MACF1: variants seen among roughly 807,000 people sequenced by gnomAD.
MACF1 encodes the protein microtubule actin crosslinking factor 1, also known as microtubule-actin cross-linking factor 1.
A neutral mutation model predicts 854.8 loss-of-function variants in MACF1; 193 were observed. The ratio of observed to expected loss-of-function variants is 0.23; its 90% CI spans 0.20 to 0.25. MACF1 has a LOEUF of 0.25. MACF1 is among the 10% of genes least tolerant of loss of function. MACF1 has a pLI of 1.00. For missense variants in MACF1, 7,722 were observed against 8,929.1 expected, an observed-to-expected ratio of 0.86 and a Z score of 5.45; for synonymous variants, 3,185 against 3,226.7, an observed-to-expected ratio of 0.99 and a Z score of 0.44.
chr1:39,414,693 C>A, intron 58 of MACF1: 1 of 687,614 alleles, frequency 1.5e-6, no homozygotes, highest in Non-Finnish European at 2.4e-6. Context: ...GTTTTTTATT[C>A]AGATAAGCCA....
At chr1:39,393,005 A>C (rs973113827) in intron 58 of MACF1, among the ~76,000 whole-genome samples, 16 of 151,952 alleles carry the variant, frequency 1.1e-4, no homozygotes, top group Non-Finnish European at 8.8e-5. Context: ...GAAAGCTGGA[A>C]AGAAAAGACT....
chr1:39,295,065 A>G lies in MACF1; in HGVS notation c.2174A>G (p.Glu725Gly), dbSNP rs762539450. The G allele has an allele frequency of 2.5e-6, 4 of 1,613,694 alleles. No individual in the cohort carries two copies. The African/African-American group carries it at 5.3e-5, about 22-fold the overall frequency. The change falls in exon 19 of 101, where the codon GAG (glutamate) becomes GGG (glycine). Residue 725 changes from glutamate to glycine, a missense_variant. Glu to Gly is a moderately conservative substitution (Grantham distance 98, BLOSUM62 -2). Coordinates refer to ENST00000564288, the MANE Select transcript of MACF1 (RefSeq NM_001394062.1). Reference sequence around the variant, plus strand: ...TTTCAGGAGTTGACAATGGAACTGGAGGAGAAACAGGATGTGTTTCGTTCT... The same window carrying G: ...TTTCAGGAGTTGACAATGGAACTGGGGGAGAAACAGGATGTGTTTCGTTCT... ...NYFSELTMEL[E>G]EKQDVFRSLQ...
At chr1:39,481,424 T>G (rs1177684522) in intron 99 of MACF1, among the ~76,000 whole-genome samples, 1 of 152,182 alleles carries the variant, frequency 6.6e-6, no homozygotes, top group Non-Finnish European at 1.5e-5. Context: ...CAATGTTCTG[T>G]CTTTGCTTAG....
At chr1:39,270,070 A>G (rs1257703137) in intron 6 of MACF1, among the ~76,000 whole-genome samples, 1 of 152,224 alleles carries the variant, frequency 6.6e-6, no homozygotes, top group African/African-American at 2.4e-5. Context: ...ATGTAGCACA[A>G]GAGACGATGG....
rs531892685 is a variant in MACF1, at chr1:39,130,109, C to T, written c.220+45671C>T. Among the ~76,000 whole-genome samples the T allele has an allele frequency of 4.6e-5, 7 of 152,066 alleles. No individual in the cohort carries two copies. In the East Asian group the frequency reaches 5.8e-4, roughly 13 times the overall value. ...GACTCAAAGTCTTGTGTTGAAATGT[C>T]GGTACCTGCCCCCGAAGGGGAAAAG... On this transcript the variant is annotated intron_variant, in intron 2 of 93. Transcript: ENST00000361689.
chr1:39,103,112 G>A (rs1642134839), intron 2 of MACF1: 2 of 531,448 alleles, frequency 3.8e-6, no homozygotes, highest in South Asian at 3.8e-5. Flanking sequence ...ACAACCTAAA[G>A]CAGAAGTTTC....
intron 2 of MACF1, among the ~76,000 whole-genome samples, chr1:39,244,714 G>A (rs992485019): frequency 6.6e-6 from 1 of 152,062 alleles, no homozygotes; most frequent in African/African-American, 2.4e-5. Context: ...CAGTAGCTAG[G>A]ATTATAGGCG....
intron 54 of MACF1, 53 bp downstream of exon 54, chr1:39,379,497 A>G: frequency 6.4e-7 from 1 of 1,556,426 alleles, no homozygotes; most frequent in South Asian, 1.2e-5. Flanking sequence ...AGACAGCTGT[A>G]CCAGTGTTCC....
intron 2 of MACF1, among the ~76,000 whole-genome samples, chr1:39,188,652 G>T (rs1178248206): frequency 6.6e-6 from 1 of 152,080 alleles, no homozygotes; most frequent in Admixed American, 6.6e-5. Flanking sequence ...TGATTGAGAC[G>T]GAGTCTCACC....
At position 39,356,277 on chromosome 1, in the gene MACF1, G is replaced by A. The variant is rs181279030; in HGVS notation, c.11425-1098G>A. On this transcript the variant is annotated intron_variant, in intron 44 of 100. Transcript: ENST00000564288. The stretch of plus-strand genomic sequence containing the variant: ...TTACTTATTATTACCCAGAAATACA[G>A]TTTAATCTCTAATTATTGAATTAAT... Among the ~76,000 whole-genome samples the A allele has an allele frequency of 1.5e-3, 232 of 152,148 alleles. 1 individual carries two copies. The highest frequency in any genetic ancestry group is 5.2e-3 in the African/African-American group (217 of 41,518).
chr1:39,113,436 C>T (rs951036398), intron 2 of MACF1, among the ~76,000 whole-genome samples: 2 of 152,136 alleles, frequency 1.3e-5, no homozygotes, highest in Admixed American at 6.5e-5. Flanking sequence ...TTGTGTTTAT[C>T]GTTCTGAATA....
intron 58 of MACF1, among the ~76,000 whole-genome samples, chr1:39,390,747 T>G (rs998919815): frequency 2.6e-5 from 4 of 152,192 alleles, no homozygotes; most frequent in Non-Finnish European, 4.4e-5. Flanking sequence ...TATTTAGAAT[T>G]AACCATCTAA....
At chr1:39,355,426 A>T (rs1569664055) in intron 44 of MACF1, among the ~76,000 whole-genome samples, 1 of 142,246 alleles carries the variant, frequency 7.0e-6, no homozygotes, top group Middle Eastern at 3.8e-3. Flanking sequence ...TGAGCAAGAT[A>T]TATTTGTCAT....
chr1:39,482,850 AC>A (rs1645037606), intron 99 of MACF1, among the ~76,000 whole-genome samples: 1 of 149,646 alleles, frequency 6.7e-6, no homozygotes, highest in Non-Finnish European at 1.5e-5. Context: ...ATGGTGGCTC[AC>A]CCCTGTAATC....
intron 43 of MACF1, 24 bp downstream of exon 43, chr1:39,351,042 A>C (rs1398303378): frequency 6.4e-7 from 1 of 1,560,702 alleles, no homozygotes; most frequent in Admixed American, 1.9e-5. Context: ...ATGACGCTTG[A>C]TATTTTTCAA....
At chr1:39,108,481 T>G (rs1642304686) in intron 2 of MACF1, among the ~76,000 whole-genome samples, 1 of 151,822 alleles carries the variant, frequency 6.6e-6, no homozygotes, top group African/African-American at 2.4e-5. Context: ...CCTGGGAGAT[T>G]TGACAAAGGA....
rs1398999009 is a variant in MACF1 at position 39,332,446 on chromosome 1, C to G, written c.5858C>G (p.Pro1953Arg). 1.2e-6 allele frequency: 2 copies of G among 1,614,008 alleles called. No homozygotes were observed. Among genetic ancestry groups the G allele is most frequent in the Admixed American group, 3.3e-5 (2 of 60,012 alleles). ...GTTCTACCGTGCAGCAAGAGCCACCCTAAGGCCACAGCAAGCCAGAGTGAG... is the reference window on the plus strand; with the variant it reads ...GTTCTACCGTGCAGCAAGAGCCACCGTAAGGCCACAGCAAGCCAGAGTGAG... The part of the protein sequence containing the change: ...AAVLPCSKSH[P>R]KATASQSENL... The change falls in exon 37 of 101, where the codon CCT (proline) becomes CGT (arginine). Residue 1953 changes from proline (P) to arginine (R), a missense_variant. Transcript: ENST00000564288.
intron 1 of MACF1, among the ~76,000 whole-genome samples, chr1:39,208,432 C>T (rs1384477906): frequency 6.6e-6 from 1 of 151,922 alleles, no homozygotes; most frequent in African/African-American, 2.4e-5. Flanking sequence ...CCCTTCTCTC[C>T]TTACTAATTA....
chr1:39,097,594 C>T (rs916283371), intron 2 of MACF1, among the ~76,000 whole-genome samples: 2 of 152,000 alleles, frequency 1.3e-5, no homozygotes, highest in African/African-American at 2.4e-5. Flanking sequence ...TGGTGGTGTA[C>T]ACCTGTAGTA....
Sources: gnomAD v4.1 joint callset for allele counts (sites outside exome capture counted in the v4.1 genomes callset) on GRCh38, gnomAD v4.1.1 for gene constraint, MANE v1.5 for transcripts, NCBI Gene and HGNC (gene_info 2026-07-23, HGNC 2026-07-21) for gene names.